Variants in ST7L observed in about 807,000 individuals in gnomAD.
The protein encoded by ST7L is suppressor of tumorigenicity 7 protein-like.
A neutral mutation model predicts 72.5 loss-of-function variants in ST7L; 57 were observed. That is an observed-to-expected ratio of 0.79 (90% CI 0.64 to 0.98). The LOEUF (loss-of-function observed/expected upper bound fraction) is 0.98, where lower values mean the gene tolerates loss of function less well. Among genes scored for constraint, ST7L ranks in the 50% least tolerant of loss-of-function variants. ST7L has a pLI of 0.00. For synonymous variants in ST7L, 221 were observed against 240.9 expected, an observed-to-expected ratio of 0.92 and a Z score of 0.77; for missense variants, 576 against 672.2, an observed-to-expected ratio of 0.86 and a Z score of 1.58.
intron 8 of ST7L, 127 bp from the exon 9 acceptor site, chr1:112,582,233 A>G (rs1306173164): frequency 9.1e-6 from 8 of 874,858 alleles, no homozygotes; most frequent in Admixed American, 2.6e-5. Flanking sequence ...CCCTTAAGAA[A>G]GGTACGTATA....
chr1:112,519,077 G>A (rs1652716970), downstream of ST7L, among the ~76,000 whole-genome samples: 1 of 152,120 alleles, frequency 6.6e-6, no homozygotes, highest in Non-Finnish European at 1.5e-5. Flanking sequence ...GGTTTTTGGT[G>A]CCCAAGAGGA....
intron 10 of ST7L, 30 bp from the exon 11 acceptor site, chr1:112,577,118 A>G: frequency 1.4e-6 from 2 of 1,446,084 alleles, no homozygotes; most frequent in Non-Finnish European, 1.9e-6. Flanking sequence ...TGAAAAAATA[A>G]ATATGCTAAA....
rs1411040985 is a variant in ST7L at position 112,556,980 on chromosome 1, AAAAAC to A, written c.1246-967_1246-963del. Among the ~76,000 whole-genome samples, 402 of 129,236 alleles carry A rather than the reference AAAAAC, an allele frequency of 3.1e-3. 27 individuals are homozygous for A. The highest frequency in any genetic ancestry group is 0.012 in the African/African-American group (301 of 24,786). The allele number at this position is 129,236 out of a possible 152,430, so 84.8% of individuals were successfully genotyped here. On this transcript the variant is annotated intron_variant, in intron 11 of 14. Coordinates refer to ENST00000358039, the MANE Select transcript of ST7L (RefSeq NM_017744.5). The stretch of plus-strand genomic sequence containing the variant: ...AGACTCTGTCTCAAAAAAAAAAAAA[AAAAAC>A]AAAAAAAAAAAAACACAAAGAAAAG...
intron 13 of ST7L, among the ~76,000 whole-genome samples, chr1:112,546,319 A>G (rs1197272284): frequency 2.8e-5 from 4 of 143,800 alleles, no homozygotes; most frequent in Non-Finnish European, 4.5e-5. Flanking sequence ...CCTAACTCAA[A>G]AAAAAAAAAA....
At chr1:112,553,541 A>G (rs1658600102) in intron 12 of ST7L, among the ~76,000 whole-genome samples, 1 of 152,202 alleles carries the variant, frequency 6.6e-6, no homozygotes, top group Admixed American at 6.5e-5. Flanking sequence ...AGCAATTTGG[A>G]AAAAAATGCA....
At chr1:112,595,797 C>T (rs1418997611) in intron 5 of ST7L, among the ~76,000 whole-genome samples, 1 of 152,096 alleles carries the variant, frequency 6.6e-6, no homozygotes, top group African/African-American at 2.4e-5. Flanking sequence ...ATAGGGTATA[C>T]TATTATTTTT....
chr1:112,601,406 C>T (rs761970100), intron 3 of ST7L, among the ~76,000 whole-genome samples: 6 of 152,134 alleles, frequency 3.9e-5, no homozygotes, highest in East Asian at 1.9e-4. Context: ...CCACCACACC[C>T]GGCTAATTTT....
rs60106072 is a variant in ST7L at position 112,556,966 on chromosome 1, C to CAAAAAAAAAAAAAAAAAAAA, written c.1246-949_1246-948insTTTTTTTTTTTTTTTTTTTT. Among the ~76,000 whole-genome samples the CAAAAAAAAAAAAAAAAAAAA allele has an allele frequency of 1.1e-3, 56 of 49,534 alleles. 1 individual carries two copies. The highest frequency in any genetic ancestry group is 1.8e-3 in the Non-Finnish European group (44 of 24,250). The allele number at this position is 49,534 out of a possible 152,430, so 32.5% of individuals were successfully genotyped here. ...CTGGCGACAGAGCGAGACTCTGTCTCAAAAAAAAAAAAAAAAAACAAAAAA... is the reference window on the plus strand; with the variant it reads ...CTGGCGACAGAGCGAGACTCTGTCTCAAAAAAAAAAAAAAAAAAAAAAAAAAAAAAAAAAAAAACAAAAAA... On this transcript the variant is annotated intron_variant, in intron 11 of 14. Transcript: ENST00000358039.
intron 3 of ST7L, among the ~76,000 whole-genome samples, chr1:112,609,509 C>T (rs1668747672): frequency 7.4e-6 from 1 of 134,662 alleles, no homozygotes; most frequent in Non-Finnish European, 1.6e-5. Flanking sequence ...CTAGCCTGGG[C>T]TACAGAGACT....
chr1:112,617,052 C>A, intron 1 of ST7L, 157 bp from the exon 2 acceptor site: 1 of 458,090 alleles, frequency 2.2e-6, no homozygotes. Flanking sequence ...ATATATTATA[C>A]ATAATGGCTT....
In ST7L at chr1:112,593,071, T is replaced by C. The variant is rs149477736; in HGVS notation, c.623-1468A>G. Among the ~76,000 whole-genome samples, 704 of 152,348 alleles carry C rather than the reference T, an allele frequency of 4.6e-3. 5 individuals are homozygous for C. The highest frequency in any genetic ancestry group is 7.2e-3 in the Non-Finnish European group (491 of 68,016). On this transcript the variant is annotated intron_variant, in intron 5 of 14. Transcript: ENST00000358039. Reference sequence around the variant, plus strand: ...TTGCTAATTTAACACCTTAACACAGTATTATCAATCTTTGCTAATTTAACA... The same window carrying C: ...TTGCTAATTTAACACCTTAACACAGCATTATCAATCTTTGCTAATTTAACA...
intron 12 of ST7L, 122 bp from the exon 13 acceptor site, chr1:112,550,815 C>A: frequency 7.4e-6 from 5 of 674,620 alleles, no homozygotes; most frequent in Non-Finnish European, 9.9e-6. Context: ...CATTTAGATA[C>A]GAGAAACAAA....
At chr1:112,540,121 T>C in intron 14 of ST7L, 1 of 985,444 alleles carries the variant, frequency 1.0e-6, no homozygotes, top group Non-Finnish European at 1.2e-6. Context: ...ACTATAAACA[T>C]TAATTGTAGC....
intron 6 of ST7L, among the ~76,000 whole-genome samples, chr1:112,589,740 G>A (rs1291326780): frequency 2.0e-5 from 3 of 152,150 alleles, no homozygotes; most frequent in African/African-American, 7.2e-5. Context: ...CTGTGTGGGT[G>A]CTAGGGCACA....
chr1:112,584,388 C>A (rs1039413688), intron 6 of ST7L, among the ~76,000 whole-genome samples: 1 of 149,674 alleles, frequency 6.7e-6, no homozygotes, highest in Non-Finnish European at 1.5e-5. Flanking sequence ...AAACTTCTAT[C>A]TCATTCTCTG....
intron 3 of ST7L, 168 bp downstream of exon 3, chr1:112,610,672 TG>T: frequency 2.6e-6 from 2 of 777,924 alleles, no homozygotes; most frequent in Non-Finnish European, 2.0e-6. Context: ...CCTCATGACC[TG>T]ATCACCTCCC....
chr1:112,586,528 AAC>A (rs1199448903), intron 6 of ST7L, among the ~76,000 whole-genome samples: 5 of 152,164 alleles, frequency 3.3e-5, no homozygotes, highest in Admixed American at 6.5e-5. Context: ...CCATAATAAA[AAC>A]AGTTTTTAAA....
intron 11 of ST7L, among the ~76,000 whole-genome samples, chr1:112,574,432 G>A (rs531733912): frequency 1.4e-4 from 21 of 151,806 alleles, no homozygotes; most frequent in Non-Finnish European, 2.6e-4. Flanking sequence ...GGCCAAGGCG[G>A]GCGGATCACA....
chr1:112,575,838 T>TCACTTAACAA (rs1663012802), intron 11 of ST7L, among the ~76,000 whole-genome samples: 1 of 152,208 alleles, frequency 6.6e-6, no homozygotes, highest in South Asian at 2.1e-4. Context: ...GAGAGAATGG[T>TCACTTAACAA]ATAAATATTT....
Sources: allele counts gnomAD v4.1 joint callset (sites outside exome capture counted in the v4.1 genomes callset), GRCh38; gene constraint gnomAD v4.1.1; transcripts MANE v1.5; gene names NCBI Gene and HGNC (gene_info 2026-07-23, HGNC 2026-07-21).